Variants in ARHGAP15 observed in about 807,000 individuals in gnomAD.
ARHGAP15 encodes the protein rho GTPase-activating protein 15.
ARHGAP15 carries 51 observed loss-of-function variants against 63.7 expected under a neutral mutation model. The ratio of observed to expected loss-of-function variants is 0.80; its 90% CI spans 0.64 to 1.01. ARHGAP15 has a LOEUF of 1.01. Ranked by LOEUF, ARHGAP15 falls within the 50% of genes least tolerant of loss-of-function variation. The pLI, the probability that ARHGAP15 is intolerant of heterozygous loss-of-function variation, is 0.00. For synonymous variants in ARHGAP15, 191 were observed against 193.8 expected (o/e 0.99, Z 0.12); for missense variants, 560 against 564.6 (o/e 0.99, Z 0.08).
chr2:143,355,754 T>C (rs1469233611), intron 6 of ARHGAP15, among the ~76,000 whole-genome samples: 3 of 152,126 alleles, frequency 2.0e-5, no homozygotes, highest in African/African-American at 4.8e-5. Flanking sequence ...AATCAAGATA[T>C]ATTATGTTTG....
At chr2:143,410,889 CAG>C (rs1688413142) in intron 6 of ARHGAP15, among the ~76,000 whole-genome samples, 1 of 148,514 alleles carries the variant, frequency 6.7e-6, no homozygotes, top group Non-Finnish European at 1.5e-5. Flanking sequence ...TAGCTTCAAT[CAG>C]AGTAAAATAA....
At chr2:143,443,129 T>C (rs1689965486) in intron 8 of ARHGAP15, among the ~76,000 whole-genome samples, 1 of 152,284 alleles carries the variant, frequency 6.6e-6, no homozygotes, top group East Asian at 1.9e-4. Context: ...TTAAAACACA[T>C]ACTGTGAAGC....
intron 1 of ARHGAP15, among the ~76,000 whole-genome samples, chr2:143,149,357 A>G (rs1043532309): frequency 2.6e-5 from 4 of 151,994 alleles, no homozygotes; most frequent in Non-Finnish European, 5.9e-5. Context: ...CCCTGGGTGT[A>G]TGGCCATTTC....
chr2:143,433,126 T>A (rs865880261), intron 6 of ARHGAP15, among the ~76,000 whole-genome samples: 1 of 152,054 alleles, frequency 6.6e-6, no homozygotes, highest in African/African-American at 2.4e-5. Flanking sequence ...AATTCGATTG[T>A]TCAAAGTGCA....
chr2:143,479,972 G>T (rs1185669154), intron 8 of ARHGAP15, among the ~76,000 whole-genome samples: 2 of 151,912 alleles, frequency 1.3e-5, no homozygotes, highest in East Asian at 3.9e-4. Flanking sequence ...CTTAATATTT[G>T]CAGTATGGGA....
rs535618751 is a variant in ARHGAP15, at chr2:143,589,289, C to T, written c.1003+32804C>T. On this transcript the variant is annotated intron_variant, in intron 11 of 13. Transcript: ENST00000295095. ...TACTTCTTCTCCATGTACTCTACTG[C>T]TTATAGAAATTGACTGCATTTCCTT... Among the ~76,000 whole-genome samples, 11 of 152,310 alleles carry T rather than the reference C, an allele frequency of 7.2e-5. 1 individual carries two copies. In the South Asian group the frequency reaches 2.3e-3, roughly 32 times the overall value.
At position 143,768,071 on chromosome 2, in the gene ARHGAP15, A is replaced by T; in HGVS notation, c.1327A>T (p.Asn443Tyr). 1.9e-6 allele frequency: 3 copies of T among 1,613,856 alleles called. No individual in the cohort carries two copies. The highest frequency in any genetic ancestry group is 2.5e-6 in the Non-Finnish European group (3 of 1,179,800). The change falls in exon 14 of 14, where the codon AAT becomes TAT. Residue 443 changes from asparagine (N) to tyrosine (Y), a missense_variant. Asn to Tyr is a moderately radical substitution (Grantham distance 143). Coordinates refer to ENST00000295095, the MANE Select transcript of ARHGAP15 (RefSeq NM_018460.4). ...TGGACCTACCCTTCTGCGAGCTGAA[A>T]ATGAAACAGGAAACATGGCGATCCA... Reference protein sequence around the residue: ...VFGPTLLRAENETGNMAIHMV... With the variant: ...VFGPTLLRAEYETGNMAIHMV...
intron 10 of ARHGAP15, among the ~76,000 whole-genome samples, chr2:143,530,854 A>ATT (rs1694494003): frequency 6.6e-6 from 1 of 152,160 alleles, no homozygotes; most frequent in African/African-American, 2.4e-5. Flanking sequence ...AATTTAATTA[A>ATT]TGCTCTGTTT....
At chr2:143,255,077 G>C (rs934437434) in intron 6 of ARHGAP15, among the ~76,000 whole-genome samples, 4 of 152,060 alleles carry the variant, frequency 2.6e-5, no homozygotes, top group African/African-American at 9.7e-5. Flanking sequence ...ACTGGCCTCA[G>C]TTTTCCTGAG....
intron 8 of ARHGAP15, among the ~76,000 whole-genome samples, chr2:143,443,001 T>C (rs1689959709): frequency 6.6e-6 from 1 of 152,164 alleles, no homozygotes; most frequent in Admixed American, 6.6e-5. Context: ...ATTTTTTTCC[T>C]GTGACCATTG....
At position 143,228,569 on chromosome 2, in the gene ARHGAP15, T is replaced by C; in HGVS notation, c.297-12T>C. On this transcript the variant is annotated splice_polypyrimidine_tract_variant and intron_variant, in intron 4 of 13. Transcript: ENST00000295095. ...ATAATGCTTTCTTTCCCTTTTATTT[T>C]TTTGTCCTAAGGAAAAACTGGTCTA... 6.3e-7 allele frequency: 1 copy of C among 1,578,674 alleles called. No individual in the cohort carries two copies. The highest frequency in any genetic ancestry group is 8.7e-7 in the Non-Finnish European group (1 of 1,154,952).
intron 5 of ARHGAP15, chr2:143,237,836 C>T (rs922212528): frequency 6.6e-6 from 1 of 152,042 alleles, no homozygotes; most frequent in South Asian, 2.1e-4. Context: ...CAGTAGAAAG[C>T]CTATATGTTG....
At position 143,282,345 on chromosome 2, in the gene ARHGAP15, G is replaced by T. The variant is rs544326115; in HGVS notation, c.474+31745G>T. On this transcript the variant is annotated intron_variant, in intron 6 of 13. Coordinates refer to ENST00000295095, the MANE Select transcript of ARHGAP15 (RefSeq NM_018460.4). Reference sequence around the variant, plus strand: ...TGCTGATAAAGACATACCCAAGACTGGGTAGTTTATAAGGAAAAAGAGGTT... The same window carrying T: ...TGCTGATAAAGACATACCCAAGACTTGGTAGTTTATAAGGAAAAAGAGGTT... 6.6e-5 allele frequency among the ~76,000 whole-genome samples: 10 copies of T among 152,150 alleles called. No individual in the cohort carries two copies. The South Asian group carries it at 2.1e-3, about 32-fold the overall frequency.
At chr2:143,708,834 C>A (rs1422034336) in intron 13 of ARHGAP15, among the ~76,000 whole-genome samples, 1 of 152,042 alleles carries the variant, frequency 6.6e-6, no homozygotes, top group Non-Finnish European at 1.5e-5. Context: ...ATCAGAATTT[C>A]CTGCCAAGAC....
chr2:143,324,148 T>A (rs1340571590), intron 6 of ARHGAP15, among the ~76,000 whole-genome samples: 2 of 152,140 alleles, frequency 1.3e-5, no homozygotes, highest in Admixed American at 6.5e-5. Context: ...AATTGCATTA[T>A]AAATGCACCC....
At chr2:143,694,312 A>G (rs1683746829) in intron 12 of ARHGAP15, among the ~76,000 whole-genome samples, 1 of 152,208 alleles carries the variant, frequency 6.6e-6, no homozygotes, top group Non-Finnish European at 1.5e-5. Flanking sequence ...TATCTACAAC[A>G]TACAATTTTC....
chr2:143,212,051 G>T (rs1205283270), intron 3 of ARHGAP15, among the ~76,000 whole-genome samples: 1 of 152,124 alleles, frequency 6.6e-6, no homozygotes. Context: ...AACAGAAAGG[G>T]TTATTTTAAC....
At chr2:143,693,307 T>C (rs752164161) in intron 12 of ARHGAP15, among the ~76,000 whole-genome samples, 5 of 152,230 alleles carry the variant, frequency 3.3e-5, no homozygotes, top group Non-Finnish European at 4.4e-5. Flanking sequence ...CACATGCTAG[T>C]ATAAAATATC....
intron 6 of ARHGAP15, among the ~76,000 whole-genome samples, chr2:143,398,954 G>A (rs779226649): frequency 7.2e-5 from 11 of 152,016 alleles, no homozygotes; most frequent in Non-Finnish European, 1.2e-4. Flanking sequence ...GTGAACAGGC[G>A]TTAAAGACAG....
Sources: allele counts gnomAD v4.1 joint callset (sites outside exome capture counted in the v4.1 genomes callset), GRCh38; gene constraint gnomAD v4.1.1; transcripts MANE v1.5; gene names NCBI Gene and HGNC (gene_info 2026-07-23, HGNC 2026-07-21).